Variants in CSNK1A1 observed in about 807,000 individuals in gnomAD.
The protein encoded by CSNK1A1 is casein kinase I isoform alpha.
Under a neutral mutation model 46.1 loss-of-function variants are expected in CSNK1A1, and 7 were observed. The observed-to-expected ratio is 0.15, with a 90% CI of 0.09 to 0.29. The LOEUF (loss-of-function observed/expected upper bound fraction) is 0.29. Ranked by LOEUF, CSNK1A1 falls within the 10% of genes least tolerant of loss-of-function variation. The pLI, the probability that CSNK1A1 is intolerant of heterozygous loss-of-function variation, is 1.00. For synonymous variants in CSNK1A1, 137 were observed against 141.5 expected, an observed-to-expected ratio of 0.97 and a Z score of 0.23; for missense variants, 96 against 417.1, an observed-to-expected ratio of 0.23 and a Z score of 6.71.
intron 6 of CSNK1A1, 82 bp downstream of exon 6, chr5:149,511,712 G>T: frequency 1.1e-6 from 1 of 942,034 alleles, no homozygotes; most frequent in Non-Finnish European, 1.6e-6. Flanking sequence ...ACTTAGAAGG[G>T]ACCTTAAATC....
At chr5:149,534,482 C>CAAAAAAAAAAAAAAAAAAAAAAAA (rs10597922) in intron 2 of CSNK1A1, among the ~76,000 whole-genome samples, 6 of 94,978 alleles carry the variant, frequency 6.3e-5, no homozygotes, top group African/African-American at 2.5e-4. Context: ...GACTCTGTCT[C>CAAAAAAAAAAAAAAAAAAAAAAAA]AAAAAAAAAA....
At chr5:149,508,694 C>G (rs1761115092) in intron 7 of CSNK1A1, among the ~76,000 whole-genome samples, 1 of 152,218 alleles carries the variant, frequency 6.6e-6, no homozygotes, top group Admixed American at 6.5e-5. Context: ...GCATGTTTCC[C>G]TGTTCCTTAA....
At chr5:149,504,952 TACA>T (rs1469862028) in intron 9 of CSNK1A1, 3 of 985,650 alleles carry the variant, frequency 3.0e-6, no homozygotes, top group South Asian at 4.7e-5. Flanking sequence ...CTCTTGAAAT[TACA>T]ACATGTTCAC....
intron 9 of CSNK1A1, chr5:149,498,227 CTT>C (rs554122474): frequency 2.1e-5 from 17 of 827,160 alleles, no homozygotes; most frequent in African/African-American, 1.5e-4. Context: ...ATATATGCCC[CTT>C]TTTTTTTTTG....
intron 4 of CSNK1A1, among the ~76,000 whole-genome samples, chr5:149,518,826 TC>T (rs1338309571): frequency 6.6e-6 from 1 of 151,816 alleles, no homozygotes; most frequent in African/African-American, 2.4e-5. Flanking sequence ...CAAAGTGATA[TC>T]TAGGTCATCA....
At position 149,550,278 on chromosome 5, in the gene CSNK1A1, T is replaced by C; in HGVS notation, c.124-97A>G. On this transcript the variant is annotated intron_variant, in intron 1 of 9. Transcript: ENST00000377843. The surrounding 1 kb of genome is among the most constrained non-coding windows in gnomAD (Gnocchi z 4.3). ...CATTAGCAAAACTCCAAGTCGCGAC[T>C]ACAAGAAGAAGTGAAAAGCTGGAAA... The C allele has an allele frequency of 2.7e-6, 4 of 1,506,190 alleles. No homozygotes were observed. The highest frequency in any genetic ancestry group is 3.5e-6 in the Non-Finnish European group (4 of 1,128,552). 93.3% of individuals were successfully genotyped at this position (1,506,190 alleles called of 1,614,324 possible). A position where few individuals can be genotyped will look rare whatever the true frequency, so the allele number is the denominator to read the frequency against.
chr5:149,505,237 A>C, intron 9 of CSNK1A1: 1 of 1,311,790 alleles, frequency 7.6e-7, no homozygotes, highest in Non-Finnish European at 9.7e-7. Flanking sequence ...ATATATGTAT[A>C]TACAAATACA....
intron 9 of CSNK1A1, chr5:149,498,522 G>A: frequency 1.0e-6 from 1 of 985,120 alleles, no homozygotes; most frequent in Non-Finnish European, 1.2e-6. Context: ...TTGTTTGGGA[G>A]TTTAAAAAAG....
At chr5:149,499,346 T>A in intron 9 of CSNK1A1, 1 of 761,584 alleles carries the variant, frequency 1.3e-6, no homozygotes, top group South Asian at 6.2e-5. Flanking sequence ...TTGGAGGATG[T>A]GATGATTAAG....
rs111524617 is a variant in CSNK1A1, at chr5:149,516,218, GCT to G, written c.457-3011_457-3010del. 8.4e-4 allele frequency among the ~76,000 whole-genome samples: 128 copies of G among 152,220 alleles called. 2 individuals carry two copies. The highest frequency in any genetic ancestry group is 2.8e-3 in the African/African-American group (117 of 41,546). ...ACCTGTAATCCCAGCTATTCGGGAG[GCT>G]GAGACAGAATTGCTTGAACCTGGGA... On this transcript the variant is annotated intron_variant, in intron 4 of 9. Coordinates refer to ENST00000377843, the MANE Select transcript of CSNK1A1 (RefSeq NM_001892.6).
intron 2 of CSNK1A1, among the ~76,000 whole-genome samples, chr5:149,540,495 C>T (rs951801677): frequency 6.6e-6 from 1 of 152,144 alleles, no homozygotes; most frequent in Non-Finnish European, 1.5e-5. Flanking sequence ...TGCAACACAA[C>T]CACCATCTGA....
chr5:149,547,974 T>TGGG (rs1762532739), intron 2 of CSNK1A1, among the ~76,000 whole-genome samples: 1 of 152,012 alleles, frequency 6.6e-6, no homozygotes, highest in Admixed American at 6.6e-5. Flanking sequence ...GGGTTCAAGC[T>TGGG]ATTCTCCTGC....
At chr5:149,544,758 T>TATATATATATATATATACATACAC (rs150989849) in intron 2 of CSNK1A1, among the ~76,000 whole-genome samples, 4 of 129,284 alleles carry the variant, frequency 3.1e-5, no homozygotes, top group African/African-American at 1.3e-4. Context: ...TATATATATA[T>TATATATATATATATATACATACAC]ATATATAGTT....
chr5:149,524,190 CTTT>C (rs1278041747), intron 3 of CSNK1A1, among the ~76,000 whole-genome samples: 1 of 151,990 alleles, frequency 6.6e-6, no homozygotes, highest in African/African-American at 2.4e-5. Context: ...TTCCCTCTTC[CTTT>C]TTATGTGATA....
Position 149,550,192 on chromosome 5 carries a change from A to C in CSNK1A1, c.124-11T>G. On this transcript the variant is annotated splice_polypyrimidine_tract_variant and intron_variant, in intron 1 of 9. Coordinates refer to ENST00000377843, the MANE Select transcript of CSNK1A1 (RefSeq NM_001892.6). This position sits in a 1 kb window ranked among gnomAD's most constrained non-coding sequence, Gnocchi z 4.3. ...CTTCACTGCCACTTCCTGCAGGGGA[A>C]AGAGGGGATGATGGCATCAACATCC... 6.2e-7 allele frequency: 1 copy of C among 1,612,926 alleles called. No individual in the cohort carries two copies. Among genetic ancestry groups the C allele is most frequent in the Non-Finnish European group, 8.5e-7 (1 of 1,179,322 alleles).
intron 9 of CSNK1A1, among the ~76,000 whole-genome samples, chr5:149,500,573 G>A (rs1194491303): frequency 2.6e-5 from 4 of 151,968 alleles, no homozygotes; most frequent in Non-Finnish European, 5.9e-5. Flanking sequence ...CACCGCACCC[G>A]GCCTTTTTTT....
At position 149,517,806 on chromosome 5, in the gene CSNK1A1, T is replaced by G; in HGVS notation, c.456+2484A>C. ...GACAGTTTCAGACCTGGTTTAATCC[T>G]GAGAAAGATGGGTCCTGAGAAGTAC... is the stretch of plus-strand genomic sequence containing the variant. On this transcript the variant is annotated intron_variant, in intron 4 of 9. Coordinates refer to ENST00000377843, the MANE Select transcript of CSNK1A1 (RefSeq NM_001892.6). The surrounding 1 kb of genome is among the most constrained non-coding windows in gnomAD (Gnocchi z 4.4). The G allele has an allele frequency of 1.2e-6, 2 of 1,603,436 alleles. No individual in the cohort carries two copies. The highest frequency in any genetic ancestry group is 1.7e-6 in the Non-Finnish European group (2 of 1,173,514).
rs1317165078 is a variant in CSNK1A1, at chr5:149,495,427, T to C, written c.*1426A>G. On this transcript the variant is annotated 3_prime_UTR_variant, in exon 10 of 10. Coordinates refer to ENST00000377843, the MANE Select transcript of CSNK1A1 (RefSeq NM_001892.6). Reference sequence around the variant, plus strand: ...AAAAATTATCATCAGTAAGTTTTCCTTTCTCATGGGTCAGAGAAAAAGAAA... The same window carrying C: ...AAAAATTATCATCAGTAAGTTTTCCCTTCTCATGGGTCAGAGAAAAAGAAA... 5 of 152,262 alleles carry C rather than the reference T, an allele frequency of 3.3e-5. No homozygotes were observed. In the East Asian group the frequency reaches 9.6e-4, roughly 29 times the overall value. 9.4% of individuals were successfully genotyped at this position (152,262 alleles called of 1,614,324 possible).
At chr5:149,506,785 T>A (rs368068394) in intron 8 of CSNK1A1, among the ~76,000 whole-genome samples, 1 of 152,242 alleles carries the variant, frequency 6.6e-6, no homozygotes, top group African/African-American at 2.4e-5. Flanking sequence ...ATAACTATTC[T>A]GGAAAAGTTA....
Sources: gnomAD v4.1 joint callset for allele counts (sites outside exome capture counted in the v4.1 genomes callset) on GRCh38, gnomAD v4.1.1 for gene constraint, Gnocchi (gnomAD v3.1) non-coding constraint, MANE v1.5 for transcripts, NCBI Gene and HGNC (gene_info 2026-07-23, HGNC 2026-07-21) for gene names.